Variants in TMEM156 observed in about 807,000 individuals in gnomAD.
TMEM156 encodes the protein transmembrane protein 156.
Under a neutral mutation model 30.5 loss-of-function variants are expected in TMEM156, and 28 were observed. The ratio of observed to expected loss-of-function variants is 0.92; its 90% CI spans 0.68 to 1.26. TMEM156 has a LOEUF of 1.26. Among genes scored for constraint, TMEM156 ranks in the 50% most tolerant of loss-of-function variants. The pLI, the probability that TMEM156 is intolerant of heterozygous loss-of-function variation, is 0.00. For synonymous variants in TMEM156, 137 were observed against 119.9 expected, an observed-to-expected ratio of 1.14 and a Z score of -0.93; for missense variants, 351 against 340.6, an observed-to-expected ratio of 1.03 and a Z score of -0.24.
intron 2 of TMEM156, 114 bp from the exon 3 acceptor site, chr4:38,994,112 T>C (rs1712752881): frequency 1.1e-6 from 1 of 918,678 alleles, no homozygotes; most frequent in African/African-American, 1.7e-5. Context: ...AAACAAGAAG[T>C]TTCCTACACT....
At position 38,990,830 on chromosome 4, in the gene TMEM156, G is replaced by GTTTTTTTTTTTTTTTTTTTTTT. The variant is rs71304784; in HGVS notation, c.620-1882_620-1861dup. Among the ~76,000 whole-genome samples, 60 of 81,202 alleles carry GTTTTTTTTTTTTTTTTTTTTTT rather than the reference G, an allele frequency of 7.4e-4. 5 individuals carry two copies. Among genetic ancestry groups the GTTTTTTTTTTTTTTTTTTTTTT allele is most frequent in the Non-Finnish European group, 1.0e-3 (43 of 41,356 alleles). 53.3% of individuals were successfully genotyped at this position (81,202 alleles called of 152,430 possible). ...CTTTGTTTTTTTGGTTTGTTTTCTG[G>GTTTTTTTTTTTTTTTTTTTTTT]TTTTTTTTTTTTTTTTTTTTTTTGA... On this transcript the variant is annotated intron_variant, in intron 3 of 6. Transcript: ENST00000381938.
chr4:39,021,565 T>C (rs181382859), intron 1 of TMEM156, among the ~76,000 whole-genome samples: 162 of 152,324 alleles, frequency 1.1e-3, no homozygotes, highest in African/African-American at 3.6e-3. Context: ...CTTATATATA[T>C]GGTTTGCAAC....
chr4:38,988,827 C>T (rs766902746), intron 4 of TMEM156, 24 bp downstream of exon 4: 40 of 1,613,184 alleles, frequency 2.5e-5, no homozygotes, highest in South Asian at 7.7e-5. Flanking sequence ...AGGAGTTCCT[C>T]GGCACTACAG....
At chr4:39,024,863 A>G (rs748732571) in intron 1 of TMEM156, among the ~76,000 whole-genome samples, 8 of 152,250 alleles carry the variant, frequency 5.3e-5, no homozygotes, top group Non-Finnish European at 1.2e-4. Context: ...TCGTATGTAA[A>G]TTATGCCTGT....
intron 5 of TMEM156, 60 bp downstream of exon 5, chr4:38,986,276 G>T: frequency 8.3e-7 from 1 of 1,199,348 alleles, no homozygotes; most frequent in South Asian, 1.2e-5. Flanking sequence ...ACTGTGTAGT[G>T]AAACCATGCA....
intron 3 of TMEM156, among the ~76,000 whole-genome samples, chr4:38,990,238 C>A (rs35203581): frequency 0.071 from 10,818 of 152,240 alleles, 523 homozygotes; most frequent in Admixed American, 0.13. Context: ...ACCTGGGTGT[C>A]CCCTTTACAG....
intron 1 of TMEM156, among the ~76,000 whole-genome samples, chr4:39,022,280 AC>A (rs1714919726): frequency 6.6e-6 from 1 of 152,254 alleles, no homozygotes; most frequent in Non-Finnish European, 1.5e-5. Context: ...GTGAAGACAG[AC>A]AAATTTCCTC....
At chr4:39,025,393 A>T (rs1209516643) in intron 1 of TMEM156, among the ~76,000 whole-genome samples, 2 of 150,804 alleles carry the variant, frequency 1.3e-5, no homozygotes, top group East Asian at 1.9e-4. Flanking sequence ...CAAAAAGATT[A>T]TCCACTTCAA....
chr4:38,997,160 A>G (rs1411691210), intron 2 of TMEM156, among the ~76,000 whole-genome samples: 1 of 152,202 alleles, frequency 6.6e-6, no homozygotes, highest in Non-Finnish European at 1.5e-5. Context: ...CCCTTAAAAC[A>G]CTTCCTAGTT....
chr4:38,984,589 C>T (rs1212470061), intron 5 of TMEM156, among the ~76,000 whole-genome samples: 1 of 152,012 alleles, frequency 6.6e-6, no homozygotes, highest in Non-Finnish European at 1.5e-5. Context: ...TGCCTATAAT[C>T]CATCACTACA....
chr4:38,973,811 T>C (rs191099129), intron 5 of TMEM156, among the ~76,000 whole-genome samples: 90 of 152,316 alleles, frequency 5.9e-4, no homozygotes, highest in Middle Eastern at 3.4e-3. Context: ...ATAAAACATA[T>C]TTCTGGGGTT....
intron 1 of TMEM156, among the ~76,000 whole-genome samples, chr4:39,002,705 T>TA (rs1212901451): frequency 6.7e-6 from 1 of 149,472 alleles, no homozygotes; most frequent in Non-Finnish European, 1.5e-5. Flanking sequence ...TATGCAGCCA[T>TA]AAAAAATGAT....
intron 1 of TMEM156, among the ~76,000 whole-genome samples, chr4:39,027,749 T>C (rs2110072093): frequency 1.1e-5 from 1 of 92,732 alleles, no homozygotes; most frequent in East Asian, 2.5e-4. Flanking sequence ...TTCTGTCTTT[T>C]TTCTTTTTCT....
At chr4:39,013,805 C>T (rs1367725219) in intron 1 of TMEM156, among the ~76,000 whole-genome samples, 2 of 152,036 alleles carry the variant, frequency 1.3e-5, no homozygotes, top group South Asian at 2.1e-4. Flanking sequence ...GTAGATATAC[C>T]TATACATTTC....
At chr4:39,013,055 C>A (rs1219215226) in intron 1 of TMEM156, among the ~76,000 whole-genome samples, 1 of 151,882 alleles carries the variant, frequency 6.6e-6, no homozygotes, top group African/African-American at 2.4e-5. Context: ...TCCTAGCACT[C>A]TGGGAGGCTA....
intron 1 of TMEM156, among the ~76,000 whole-genome samples, chr4:39,005,019 CTGTATTCA>C (rs960885533): frequency 6.6e-6 from 1 of 152,144 alleles, no homozygotes; most frequent in African/African-American, 2.4e-5. Flanking sequence ...ACAACTCTTG[CTGTATTCA>C]TGTAATGGGA....
At chr4:38,985,689 C>T (rs1316695809) in intron 5 of TMEM156, among the ~76,000 whole-genome samples, 5 of 152,128 alleles carry the variant, frequency 3.3e-5, no homozygotes, top group Non-Finnish European at 5.9e-5. Flanking sequence ...GTGGTTTTCA[C>T]GGTCAAGGAT....
chr4:38,977,297 A>G (rs557451631), intron 5 of TMEM156, among the ~76,000 whole-genome samples: 1 of 152,366 alleles, frequency 6.6e-6, no homozygotes, highest in African/African-American at 2.4e-5. Context: ...CTTTTCGTTG[A>G]AAAGCCAAAC....
chr4:38,998,545 A>G (rs1279339007), intron 2 of TMEM156, 95 bp downstream of exon 2: 6 of 1,006,366 alleles, frequency 6.0e-6, no homozygotes, highest in Non-Finnish European at 7.7e-6. Flanking sequence ...CTCCATCTCA[A>G]AAAAAAAAAA....
Sources: gnomAD v4.1 joint callset for allele counts (sites outside exome capture counted in the v4.1 genomes callset) on GRCh38, gnomAD v4.1.1 for gene constraint, MANE v1.5 for transcripts, NCBI Gene and HGNC (gene_info 2026-07-23, HGNC 2026-07-21) for gene names.